The following SRFBP1 variants were observed in gnomAD, a reference collection of about 807,000 sequenced individuals.
The protein encoded by SRFBP1 is serum response factor-binding protein 1.
Under a neutral mutation model 45.5 loss-of-function variants are expected in SRFBP1, and 47 were observed. The ratio of observed to expected loss-of-function variants is 1.03; its 90% confidence interval spans 0.82 to 1.32. The LOEUF (loss-of-function observed/expected upper bound fraction) is 1.32, where lower values mean the gene tolerates loss of function less well. Among genes scored for constraint, SRFBP1 ranks in the 40% most tolerant of loss-of-function variants. SRFBP1 has a pLI of 0.00. For missense variants in SRFBP1, 621 were observed against 484.6 expected, an observed-to-expected ratio of 1.28 and a Z score of -2.64; for synonymous variants, 203 against 166.3, an observed-to-expected ratio of 1.22 and a Z score of -1.70.
downstream of SRFBP1, chr5:122,077,629 G>T (rs1754677474): frequency 6.2e-7 from 1 of 1,611,130 alleles, no homozygotes; most frequent in South Asian, 1.1e-5. The surrounding 1 kb of genome is among the most constrained non-coding windows in gnomAD (Gnocchi z 4.9). Context: ...GACGGGCGGT[G>T]GGCCTGGGGC....
rs759052462 is a variant in SRFBP1 at position 121,962,027 on chromosome 5, T to C, written c.-6T>C. ...GGCAGCGGCGGATCATATTCCTTCATCTACCATGGCTCAGCCGGGAACTCT... is the reference window on the plus strand; with the variant it reads ...GGCAGCGGCGGATCATATTCCTTCACCTACCATGGCTCAGCCGGGAACTCT... On this transcript the variant is annotated 5_prime_UTR_variant, in exon 1 of 8. Transcript: ENST00000339397. The C allele has an allele frequency of 6.2e-7, 1 of 1,613,910 alleles. No individual in the cohort carries two copies. The highest frequency in any genetic ancestry group is 8.5e-7 in the Non-Finnish European group (1 of 1,180,012).
chr5:122,021,943 C>T (rs1408502207), intron 6 of SRFBP1, among the ~76,000 whole-genome samples: 2 of 151,916 alleles, frequency 1.3e-5, no homozygotes, highest in Admixed American at 6.6e-5. Context: ...ATCCACCCTG[C>T]TCAGCCTCCC....
At chr5:122,009,635 A>G (rs777971453) in intron 4 of SRFBP1, among the ~76,000 whole-genome samples, 24 of 152,200 alleles carry the variant, frequency 1.6e-4, no homozygotes, top group Non-Finnish European at 2.2e-4. Context: ...GGTGACCACA[A>G]ATAGTTAAAA....
rs371912424 is a variant in SRFBP1 at position 121,987,969 on chromosome 5, C to G, written c.199-6630C>G. On this transcript the variant is annotated intron_variant, in intron 3 of 7. Coordinates refer to ENST00000339397, the MANE Select transcript of SRFBP1 (RefSeq NM_152546.3). ...ACAAAGTCCCTGGAAAGAAGAAAGA[C>G]AAGGTTGTAGCCAAATAACCAAAAT... Among the ~76,000 whole-genome samples the G allele has an allele frequency of 8.6e-4, 131 of 152,170 alleles. 4 individuals carry two copies. The South Asian group carries it at 0.023, about 27-fold the overall frequency.
intron 1 of SRFBP1, among the ~76,000 whole-genome samples, chr5:121,972,512 G>C (rs971109561): frequency 3.9e-5 from 6 of 151,930 alleles, no homozygotes; most frequent in Admixed American, 3.3e-4. Flanking sequence ...ATAGTAGACA[G>C]AATGTTACAA....
intron 5 of SRFBP1, among the ~76,000 whole-genome samples, chr5:122,019,558 T>C (rs1390801861): frequency 2.0e-5 from 3 of 151,356 alleles, no homozygotes; most frequent in Non-Finnish European, 1.5e-5. Flanking sequence ...GAACGTATAA[T>C]ACGTAATATA....
chr5:121,966,865 C>G lies in SRFBP1; in HGVS notation c.36+4797C>G, dbSNP rs189192960. 4.6e-3 allele frequency among the ~76,000 whole-genome samples: 698 copies of G among 151,612 alleles called. 5 individuals carry two copies. Among genetic ancestry groups the G allele is most frequent in the Admixed American group, 0.013 (204 of 15,266 alleles). On this transcript the variant is annotated intron_variant, in intron 1 of 7. Coordinates refer to ENST00000339397, the MANE Select transcript of SRFBP1 (RefSeq NM_152546.3). ...CAGGATCTTGGCTCACTGAAAGCTC[C>G]ACCTCCTGGGTTCACGCCATTCTTC...
chr5:122,014,761 G>A (rs921386265), intron 4 of SRFBP1, among the ~76,000 whole-genome samples: 24 of 152,042 alleles, frequency 1.6e-4, no homozygotes, highest in African/African-American at 5.1e-4. Flanking sequence ...TAACAAAATA[G>A]CATTTACCCC....
intron 2 of SRFBP1, among the ~76,000 whole-genome samples, chr5:122,074,381 CA>C (rs1158052475): frequency 6.6e-6 from 1 of 152,088 alleles, no homozygotes; most frequent in Non-Finnish European, 1.5e-5. Context: ...GCTACTAGGA[CA>C]AAAGACTTAG....
At chr5:122,069,935 G>C in intron 2 of SRFBP1, 1 of 791,446 alleles carries the variant, frequency 1.3e-6, no homozygotes, top group South Asian at 1.4e-5. Flanking sequence ...TTCTGCCTTT[G>C]GTCTGCTTAC....
chr5:122,029,452 C>G (rs879400621), downstream of SRFBP1, among the ~76,000 whole-genome samples: 6 of 152,178 alleles, frequency 3.9e-5, no homozygotes, highest in Non-Finnish European at 8.8e-5. Context: ...ATTCTTTATA[C>G]ACCTCATGCA....
chr5:121,966,855 C>A (rs959646376), intron 1 of SRFBP1, among the ~76,000 whole-genome samples: 2 of 151,164 alleles, frequency 1.3e-5, no homozygotes, highest in African/African-American at 4.9e-5. Context: ...TCTTGGCTCA[C>A]TGAAAGCTCC....
chr5:122,040,697 T>C (rs1214175638), intron 2 of SRFBP1, among the ~76,000 whole-genome samples: 1 of 152,066 alleles, frequency 6.6e-6, no homozygotes, highest in Non-Finnish European at 1.5e-5. Context: ...AAAGGAGAGG[T>C]TGTCAGGCCC....
Position 121,994,647 on chromosome 5 carries a change from A to G in SRFBP1, c.247A>G (p.Asn83Asp). 6.3e-7 allele frequency: 1 copy of G among 1,596,570 alleles called. No individual in the cohort carries two copies. The highest frequency in any genetic ancestry group is 8.5e-7 in the Non-Finnish European group (1 of 1,172,502). ...VTKSALGDDINFEKIFKKPDS... is the reference protein window; with the variant it reads ...VTKSALGDDIDFEKIFKKPDS... ...TAAATCTGCTCTTGGTGATGATATC[A>G]ACTTTGAAAAAATCTTCAAAAAGGT... The change falls in exon 4 of 8, where the codon AAC (asparagine) becomes GAC (aspartate). Residue 83 changes from asparagine to aspartate, a missense_variant. By Grantham distance (23) the Asn-to-Asp change is conservative. Coordinates refer to ENST00000339397, the MANE Select transcript of SRFBP1 (RefSeq NM_152546.3).
At chr5:121,975,415 T>C in intron 3 of SRFBP1, 28 bp downstream of exon 3, 1 of 1,611,194 alleles carries the variant, frequency 6.2e-7, no homozygotes, top group Non-Finnish European at 8.5e-7. Flanking sequence ...TGTGTATGTG[T>C]GTATGTTTCT....
At chr5:122,054,344 G>C (rs1754040323) in intron 2 of SRFBP1, among the ~76,000 whole-genome samples, 1 of 152,108 alleles carries the variant, frequency 6.6e-6, no homozygotes, top group South Asian at 2.1e-4. Context: ...GGTTTTCCTG[G>C]CTCCGAGCTA....
chr5:121,962,436 T>C lies in SRFBP1; in HGVS notation c.36+368T>C, dbSNP rs571279457. On this transcript the variant is annotated intron_variant, in intron 1 of 7. Transcript: ENST00000339397. ...TGCCTGACCCTTAATAAACTTTCAG[T>C]ACACATTACCTGCTCTTTATTGCCT... is the stretch of plus-strand genomic sequence containing the variant. Among the ~76,000 whole-genome samples, 16 of 152,316 alleles carry C rather than the reference T, an allele frequency of 1.1e-4. No individual in the cohort carries two copies. In the South Asian group the frequency reaches 2.5e-3, roughly 24 times the overall value.
At chr5:121,998,211 C>T (rs192005242) in intron 4 of SRFBP1, among the ~76,000 whole-genome samples, 1 of 152,094 alleles carries the variant, frequency 6.6e-6, no homozygotes, top group Non-Finnish European at 1.5e-5. Flanking sequence ...AAGACACATG[C>T]ACACGTATGT....
intron 6 of SRFBP1, among the ~76,000 whole-genome samples, chr5:122,021,179 G>T (rs917821494): frequency 6.6e-6 from 1 of 152,088 alleles, no homozygotes; most frequent in Non-Finnish European, 1.5e-5. Flanking sequence ...GATGATCCAG[G>T]ACCATTATTG....
Sources: allele counts gnomAD v4.1 joint callset (sites outside exome capture counted in the v4.1 genomes callset), GRCh38; gene constraint gnomAD v4.1.1; non-coding constraint Gnocchi (gnomAD v3.1); transcripts MANE v1.5; gene names NCBI Gene and HGNC (gene_info 2026-07-23, HGNC 2026-07-21).